The following CDCA2 variants were observed in gnomAD, a reference collection of about 807,000 sequenced individuals.
The protein encoded by CDCA2 is cell division cycle-associated protein 2.
A neutral mutation model predicts 67.0 loss-of-function variants in CDCA2; 44 were observed. That is an observed-to-expected ratio of 0.66 (90% CI 0.52 to 0.84). The LOEUF is 0.84. Among genes scored for constraint, CDCA2 ranks in the 40% least tolerant of loss-of-function variants. The pLI, the probability that CDCA2 is intolerant of heterozygous loss-of-function variation, is 0.00. For missense variants in CDCA2, 1,253 were observed against 1,203.2 expected (o/e 1.04, Z -0.61); for synonymous variants, 447 against 418.7 (o/e 1.07, Z -0.82).
chr8:25,477,913 C>T (rs1157457438), intron 7 of CDCA2, among the ~76,000 whole-genome samples: 1 of 151,430 alleles, frequency 6.6e-6, no homozygotes, highest in Non-Finnish European at 1.5e-5. Context: ...AACTTGATAC[C>T]TTTCTTTTTC....
Position 25,460,263 on chromosome 8 carries a change from G to A in CDCA2, c.24G>A (p.Lys8=). The change falls in exon 2 of 15, where the codon AAG becomes AAA. Residue 8 remains lysine, a synonymous_variant. Coordinates refer to ENST00000330560, the MANE Select transcript of CDCA2 (RefSeq NM_152562.4). ...AGATGGATGCCAATTCAAAAGACAA[G>A]CCCCCTGAAACCAAGGAGTCTGCAA... MDANSKD[K]PPETKESAMN... The A allele has an allele frequency of 6.2e-7, 1 of 1,614,146 alleles. No individual in the cohort carries two copies. Among genetic ancestry groups the A allele is most frequent in the Non-Finnish European group, 8.5e-7 (1 of 1,180,020 alleles).
chr8:25,484,957 C>CAATGTA (rs1803711196), intron 10 of CDCA2, among the ~76,000 whole-genome samples: 1 of 152,076 alleles, frequency 6.6e-6, no homozygotes, highest in Non-Finnish European at 1.5e-5. Flanking sequence ...TCCTTGTAAA[C>CAATGTA]ATAGCAATAT....
At chr8:25,473,436 CT>C (rs539757028) in intron 7 of CDCA2, among the ~76,000 whole-genome samples, 134 of 152,126 alleles carry the variant, frequency 8.8e-4, no homozygotes, top group Non-Finnish European at 1.5e-3. Context: ...TATTTTTCAT[CT>C]TTTTTCATTT....
At chr8:25,500,510 C>CT (rs925689159) in intron 13 of CDCA2, among the ~76,000 whole-genome samples, 9 of 151,712 alleles carry the variant, frequency 5.9e-5, no homozygotes, top group African/African-American at 9.7e-5. Flanking sequence ...TCAATTAAAA[C>CT]TTTTTTTTCT....
intron 8 of CDCA2, among the ~76,000 whole-genome samples, chr8:25,482,411 A>G (rs1349301525): frequency 1.3e-5 from 2 of 152,186 alleles, no homozygotes; most frequent in African/African-American, 4.8e-5. Context: ...GACACCATAT[A>G]TGGTACTTGT....
At chr8:25,494,147 A>G (rs1342228442) in intron 13 of CDCA2, among the ~76,000 whole-genome samples, 1 of 152,144 alleles carries the variant, frequency 6.6e-6, no homozygotes, top group Non-Finnish European at 1.5e-5. Flanking sequence ...GTTGTCCAGC[A>G]TCTGTGGTTG....
chr8:25,465,987 A>T (rs1261466844), intron 4 of CDCA2, among the ~76,000 whole-genome samples, 188 bp from the exon 5 acceptor site: 1 of 152,162 alleles, frequency 6.6e-6, no homozygotes, highest in Admixed American at 6.5e-5. Flanking sequence ...TTTTGTGTTA[A>T]ACTTCCTTAT....
Position 25,460,559 on chromosome 8 carries a change from GA to G in CDCA2, c.232+9del. The G allele has an allele frequency of 6.2e-7, 1 of 1,606,446 alleles. No individual in the cohort carries two copies. Among genetic ancestry groups the G allele is most frequent in the African/African-American group, 1.3e-5 (1 of 74,430 alleles). ...GCTTTGTTAGGAACTCTGCAGGTAA[GA>G]AAAGTTGTCATTCTGTTGTAATGCT... On this transcript the variant is annotated splice_donor_region_variant and intron_variant, in intron 3 of 14. Coordinates refer to ENST00000330560, the MANE Select transcript of CDCA2 (RefSeq NM_152562.4).
At chr8:25,467,824 T>TA (rs1802975092) in intron 5 of CDCA2, among the ~76,000 whole-genome samples, 1 of 152,090 alleles carries the variant, frequency 6.6e-6, no homozygotes, top group Admixed American at 6.6e-5. Flanking sequence ...TTACTAAAAT[T>TA]ACGATGCACA....
chr8:25,487,417 G>C lies in CDCA2; in HGVS notation c.1533+83G>C, dbSNP rs879468642. The C allele has an allele frequency of 1.5e-5, 13 of 886,772 alleles. No homozygotes were observed. In the Admixed American group the frequency reaches 1.5e-4, roughly 10 times the overall value. The allele number at this position is 886,772 out of a possible 1,614,324, so 54.9% of individuals were successfully genotyped here. On this transcript the variant is annotated intron_variant, in intron 12 of 14. Transcript: ENST00000330560. Reference sequence around the variant, plus strand: ...TGTTTTCATGGCCAAATGATAATGGGTGAAATCTTAGTTTAATCAGTGTCA... The same window carrying C: ...TGTTTTCATGGCCAAATGATAATGGCTGAAATCTTAGTTTAATCAGTGTCA...
intron 7 of CDCA2, among the ~76,000 whole-genome samples, chr8:25,474,469 T>A (rs994196457): frequency 1.3e-5 from 2 of 152,220 alleles, no homozygotes; most frequent in African/African-American, 4.8e-5. Context: ...TCATTATTGG[T>A]CTTTTGAGAT....
intron 8 of CDCA2, among the ~76,000 whole-genome samples, chr8:25,482,151 A>G (rs1477402896): frequency 1.3e-5 from 2 of 152,212 alleles, no homozygotes; most frequent in Non-Finnish European, 2.9e-5. Context: ...AGGGCTTACA[A>G]TATCCCTTCT....
chr8:25,472,755 A>T (rs946293904), intron 7 of CDCA2, among the ~76,000 whole-genome samples: 18 of 152,204 alleles, frequency 1.2e-4, no homozygotes, highest in African/African-American at 4.1e-4. Flanking sequence ...GTATATATTT[A>T]TGGGGAACAA....
chr8:25,467,065 A>AAAAAAAAAAAAAAAAC (rs1468639428), intron 5 of CDCA2, among the ~76,000 whole-genome samples: 3 of 126,230 alleles, frequency 2.4e-5, no homozygotes, highest in African/African-American at 9.6e-5. Flanking sequence ...AAAAAAAAAA[A>AAAAAAAAAAAAAAAAC]ACACACACAC....
chr8:25,462,496 A>G (rs539868453), intron 4 of CDCA2, among the ~76,000 whole-genome samples: 31 of 152,228 alleles, frequency 2.0e-4, no homozygotes, highest in African/African-American at 6.3e-4. Context: ...GTGTGGTGGC[A>G]GGTTCCCGAA....
chr8:25,495,389 A>G (rs988704894), intron 13 of CDCA2, among the ~76,000 whole-genome samples: 2 of 151,982 alleles, frequency 1.3e-5, no homozygotes, highest in African/African-American at 4.8e-5. Flanking sequence ...AATTTTTTCA[A>G]ACCTAGAAAT....
intron 12 of CDCA2, 76 bp from the exon 13 acceptor site, chr8:25,488,476 C>A: frequency 7.2e-7 from 1 of 1,381,382 alleles, no homozygotes; most frequent in Non-Finnish European, 9.7e-7. Flanking sequence ...CTGGGAAGCA[C>A]AACAAGAGTG....
chr8:25,499,583 C>G (rs1251348307), intron 13 of CDCA2, among the ~76,000 whole-genome samples: 1 of 151,804 alleles, frequency 6.6e-6, no homozygotes, highest in Admixed American at 6.6e-5. Flanking sequence ...GGATTAAGGG[C>G]ATGAGCCACC....
intron 11 of CDCA2, 24 bp from the exon 12 acceptor site, chr8:25,487,220 GAT>G (rs752382955): frequency 6.5e-7 from 1 of 1,530,026 alleles, no homozygotes; most frequent in South Asian, 1.1e-5. Context: ...TTCCTACCCT[GAT>G]TTAGCTTTTG....
Sources: allele counts gnomAD v4.1 joint callset (sites outside exome capture counted in the v4.1 genomes callset), GRCh38; gene constraint gnomAD v4.1.1; transcripts MANE v1.5; gene names NCBI Gene and HGNC (gene_info 2026-07-23, HGNC 2026-07-21).